MTMR10: variants seen among roughly 807,000 people sequenced by gnomAD.
The protein encoded by MTMR10 is myotubularin related protein 10.
In MTMR10, 56 loss-of-function variants were observed where a neutral mutation model predicts 88.1. The ratio of observed to expected loss-of-function variants is 0.64; its 90% CI spans 0.51 to 0.79. The LOEUF is 0.79. Ranked by LOEUF, MTMR10 falls within the 30% of genes least tolerant of loss-of-function variation. The pLI, the probability that MTMR10 is intolerant of heterozygous loss-of-function variation, is 0.00. For synonymous variants in MTMR10, 380 were observed against 340.9 expected (o/e 1.11, Z -1.26); for missense variants, 883 against 924.7 (o/e 0.95, Z 0.58).
At chr15:30,924,705 C>T in the MTMR10 span, among the ~76,000 whole-genome samples, 2 of 152,134 alleles carry the variant, frequency 1.3e-5, no homozygotes, top group Non-Finnish European at 2.9e-5. Context: ...TTTGATGTGG[C>T]CCCCATGCGT....
At chr15:30,925,937 A>C in the MTMR10 span, 8 of 1,613,942 alleles carry the variant, frequency 5.0e-6, no homozygotes, top group African/African-American at 1.1e-4. Context: ...GGTTTTGACC[A>C]GGGTAACTGA....
At chr15:30,974,502 T>C (rs754078696) in intron 4 of MTMR10, 46 bp from the exon 5 acceptor site, 70 of 1,426,200 alleles carry the variant, frequency 4.9e-5, no homozygotes, top group Non-Finnish European at 6.3e-5. Flanking sequence ...GTAACAGTTA[T>C]TTGTTACTCA....
chr15:30,940,153 T>C lies in MTMR10; in HGVS notation c.*1317A>G. The stretch of plus-strand genomic sequence containing the variant: ...TTTAAGAAACAGTCAAATTTGAAAG[T>C]ATCCATGTTTTAAGCGGGGAATGAG... On this transcript the variant is annotated 3_prime_UTR_variant, in exon 16 of 16. Coordinates refer to ENST00000435680, the MANE Select transcript of MTMR10 (RefSeq NM_017762.3). 1.0e-6 allele frequency: 1 copy of C among 985,446 alleles called. No homozygotes were observed. The highest frequency in any genetic ancestry group is 1.2e-6 in the Non-Finnish European group (1 of 829,932). 61.0% of individuals were successfully genotyped at this position (985,446 alleles called of 1,614,324 possible).
intron 2 of MTMR10, among the ~76,000 whole-genome samples, chr15:30,989,307 A>G (rs2031155657): frequency 6.6e-6 from 1 of 152,216 alleles, no homozygotes; most frequent in Non-Finnish European, 1.5e-5. Flanking sequence ...CAAATGATTA[A>G]TTAGTACACA....
chr15:30,933,998 C>A (rs1462937733), downstream of MTMR10, among the ~76,000 whole-genome samples: 3 of 151,850 alleles, frequency 2.0e-5, no homozygotes, highest in African/African-American at 7.3e-5. Flanking sequence ...CTGGGCTCCA[C>A]GTTGGCCTCC....
At position 30,990,729 on chromosome 15, in the gene MTMR10, C is replaced by T. The variant is rs934635522; in HGVS notation, c.121+48G>A. 3.3e-6 allele frequency: 5 copies of T among 1,525,836 alleles called. No individual in the cohort carries two copies. The Admixed American group carries it at 5.6e-5, about 17-fold the overall frequency. The allele number at this position is 1,525,836 out of a possible 1,614,324, so 94.5% of individuals were successfully genotyped here. A position where few individuals can be genotyped will look rare whatever the true frequency, so the allele number is the denominator to read the frequency against. On this transcript the variant is annotated intron_variant, in intron 2 of 15. Coordinates refer to ENST00000435680, the MANE Select transcript of MTMR10 (RefSeq NM_017762.3). ...TACTAGTCGGCAGAATAATCTTAAA[C>T]CAAAATACGTTGCTAAAGTATCTGT...
intron 14 of MTMR10, chr15:30,943,978 G>T (rs546566509): frequency 2.0e-6 from 2 of 985,302 alleles, no homozygotes; most frequent in East Asian, 2.3e-4. Flanking sequence ...GGAAATGTCT[G>T]ATTCTTTGTT....
At position 30,938,953 on chromosome 15, in the gene MTMR10, G is replaced by A. The variant is rs1727662577; in HGVS notation, c.*2517C>T. 7.1e-6 allele frequency: 7 copies of A among 985,188 alleles called. No individual in the cohort carries two copies. The highest frequency in any genetic ancestry group is 7.2e-6 in the Non-Finnish European group (6 of 829,922). 61.0% of individuals were successfully genotyped at this position (985,188 alleles called of 1,614,324 possible). A position where few individuals can be genotyped will look rare whatever the true frequency, so the allele number is the denominator to read the frequency against. ...ACTGACAACAACAAACAGTCGCTGT[G>A]GAATTTTATTAAGCCATCAAAATTT... On this transcript the variant is annotated 3_prime_UTR_variant, in exon 16 of 16. Coordinates refer to ENST00000435680, the MANE Select transcript of MTMR10 (RefSeq NM_017762.3).
chr15:30,941,624 T>A lies in MTMR10; in HGVS notation c.2180A>T (p.Asp727Val). ...YFNASGPHHT[D>V]TSGTPEFLSS... is the part of the protein sequence containing the mutation. ...GAGAAACTCCGGTGTCCCCGAGGTGTCGGTGTGGTGAGGGCCGCTGGCGTT... is the reference window on the plus strand; with the variant it reads ...GAGAAACTCCGGTGTCCCCGAGGTGACGGTGTGGTGAGGGCCGCTGGCGTT... Residue 727 changes from aspartate to valine, a missense_variant, in exon 16 of 16, where the codon GAC becomes GTC. Transcript: ENST00000435680. The A allele has an allele frequency of 1.2e-6, 2 of 1,605,646 alleles. No individual in the cohort carries two copies. Among genetic ancestry groups the A allele is most frequent in the Non-Finnish European group, 1.7e-6 (2 of 1,175,896 alleles).
At position 30,950,873 on chromosome 15, in the gene MTMR10, C is replaced by T. The variant is rs138427732; in HGVS notation, c.1207+1095G>A. Among the ~76,000 whole-genome samples, 375 of 152,256 alleles carry T rather than the reference C, an allele frequency of 2.5e-3. 2 individuals are homozygous for T. Among genetic ancestry groups the T allele is most frequent in the African/African-American group, 8.4e-3 (351 of 41,540 alleles). On this transcript the variant is annotated intron_variant, in intron 12 of 15. Transcript: ENST00000435680. ...TAACCTATGCACATCCTCCTGTACA[C>T]TTTAAGTTACCTCTAGATTACTTAT...
the MTMR10 span, chr15:30,926,047 C>T: frequency 1.8e-6 from 2 of 1,130,084 alleles, no homozygotes; most frequent in Non-Finnish European, 1.3e-6. Context: ...CCTCTGCTCA[C>T]AGTGGAAGAT....
chr15:30,919,767 A>G, the MTMR10 span, among the ~76,000 whole-genome samples: 1 of 152,156 alleles, frequency 6.6e-6, no homozygotes, highest in African/African-American at 2.4e-5. Context: ...GTGGATCATC[A>G]TGAAGGTCTT....
intron 14 of MTMR10, among the ~76,000 whole-genome samples, chr15:30,945,340 T>C (rs2063154437): frequency 6.6e-6 from 1 of 152,118 alleles, no homozygotes; most frequent in African/African-American, 2.4e-5. Context: ...GAAATACTTG[T>C]AGAAAGTATT....
Position 30,939,331 on chromosome 15 carries a change from C to T in MTMR10, c.*2139G>A, listed in dbSNP as rs912719042. The stretch of plus-strand genomic sequence containing the variant: ...GTGCGGCATTCCCTCAGCACGGGCT[C>T]TGCTGGCGGGCAGCAGGGGTGCTGA... On this transcript the variant is annotated 3_prime_UTR_variant, in exon 16 of 16. Transcript: ENST00000435680. The T allele has an allele frequency of 1.1e-5, 11 of 985,374 alleles. No homozygotes were observed. In the African/African-American group the frequency reaches 1.9e-4, roughly 17 times the overall value. 61.0% of individuals were successfully genotyped at this position (985,374 alleles called of 1,614,324 possible). A position where few individuals can be genotyped will look rare whatever the true frequency, so the allele number is the denominator to read the frequency against.
chr15:30,928,506 T>TTGTATGTG, the MTMR10 span: 1 of 1,483,544 alleles, frequency 6.7e-7, no homozygotes, highest in Non-Finnish European at 9.0e-7. Context: ...AAAACAGATT[T>TTGTATGTG]TGTGTGTGTG....
Position 30,959,130 on chromosome 15 carries a change from G to GA in MTMR10, c.759-10dup, listed in dbSNP as rs11340006. On this transcript the variant is annotated splice_polypyrimidine_tract_variant and intron_variant, in intron 7 of 15. Coordinates refer to ENST00000435680, the MANE Select transcript of MTMR10 (RefSeq NM_017762.3). ...CAATGTATTCTGGAAGGCTGGAGGG[G>GA]AAAAAAAAAATTATATGAGTGCTGT... 368 of 1,529,140 alleles carry GA rather than the reference G, an allele frequency of 2.4e-4. No individual in the cohort carries two copies. Among genetic ancestry groups the GA allele is most frequent in the African/African-American group, 2.8e-4 (20 of 71,758 alleles). 94.7% of individuals were successfully genotyped at this position (1,529,140 alleles called of 1,614,324 possible).
chr15:30,981,898 C>T (rs1004414227), intron 2 of MTMR10, among the ~76,000 whole-genome samples: 4 of 151,802 alleles, frequency 2.6e-5, no homozygotes, highest in Non-Finnish European at 5.9e-5. Context: ...GGTAAAACCC[C>T]GTCTCTACTA....
intron 6 of MTMR10, among the ~76,000 whole-genome samples, chr15:30,964,010 T>TAA (rs201436983): frequency 6.8e-6 from 1 of 146,386 alleles, no homozygotes; most frequent in Non-Finnish European, 1.5e-5. Flanking sequence ...GTTTATGACT[T>TAA]AAAAAAAAAA....
chr15:30,943,147 A>G lies in MTMR10; in HGVS notation c.1549-75T>C, dbSNP rs1417843550. 5 of 1,488,324 alleles carry G rather than the reference A, an allele frequency of 3.4e-6. No individual in the cohort carries two copies. The East Asian group carries it at 1.2e-4, about 37-fold the overall frequency. The allele number at this position is 1,488,324 out of a possible 1,614,324, so 92.2% of individuals were successfully genotyped here. ...ATGCCTTTTTTCAGATGAGCCACTC[A>G]TCATTACACAGGTTAAATGTTCTGT... On this transcript the variant is annotated intron_variant, in intron 14 of 15. Coordinates refer to ENST00000435680, the MANE Select transcript of MTMR10 (RefSeq NM_017762.3).
Sources: allele counts gnomAD v4.1 joint callset (sites outside exome capture counted in the v4.1 genomes callset), GRCh38; gene constraint gnomAD v4.1.1; transcripts MANE v1.5; gene names NCBI Gene and HGNC (gene_info 2026-07-23, HGNC 2026-07-21).